Variants in LIMCH1 observed in about 807,000 individuals in gnomAD.
LIMCH1 encodes LIM and calponin homology domains 1.
LIMCH1 carries 113 observed loss-of-function variants against 176.5 expected under a neutral mutation model. The observed-to-expected ratio is 0.64, with a 90% CI of 0.55 to 0.75. The LOEUF (loss-of-function observed/expected upper bound fraction) is 0.75. Ranked by LOEUF, LIMCH1 falls within the 30% of genes least tolerant of loss-of-function variation. The pLI, the probability that LIMCH1 is intolerant of heterozygous loss-of-function variation, is 0.00. For synonymous variants in LIMCH1, 619 were observed against 645.9 expected, an observed-to-expected ratio of 0.96 and a Z score of 0.63; for missense variants, 1,674 against 1,814.9, an observed-to-expected ratio of 0.92 and a Z score of 1.41.
chr4:41,661,198 T>G (rs1204604327), intron 18 of LIMCH1, among the ~76,000 whole-genome samples: 1 of 152,138 alleles, frequency 6.6e-6, no homozygotes, highest in Admixed American at 6.6e-5. Flanking sequence ...AAGGCAGTCA[T>G]AGGAGGTTTG....
intron 1 of LIMCH1, among the ~76,000 whole-genome samples, chr4:41,472,714 C>T (rs949976808): frequency 3.3e-5 from 5 of 152,168 alleles, no homozygotes; most frequent in Non-Finnish European, 5.9e-5. Context: ...CCACAGAACA[C>T]TGACCCCACC....
chr4:41,671,411 CACACACACACACACA>C, intron 21 of LIMCH1, 128 bp from the exon 22 acceptor site: 1 of 487,400 alleles, frequency 2.1e-6, no homozygotes, highest in Non-Finnish European at 3.6e-6. Flanking sequence ...CACACACACA[CACACACACACACACA>C]CACACACACA....
rs2074089259 is a variant in LIMCH1, at chr4:41,505,899, GTAT to G, written c.167+11298_167+11300del. 5.0e-5 allele frequency among the ~76,000 whole-genome samples: 7 copies of G among 140,674 alleles called. No individual in the cohort carries two copies. The South Asian group carries it at 1.6e-3, about 31-fold the overall frequency. The allele number at this position is 140,674 out of a possible 152,430, so 92.3% of individuals were successfully genotyped here. A position where few individuals can be genotyped will look rare whatever the true frequency, so the allele number is the denominator to read the frequency against. On this transcript the variant is annotated intron_variant, in intron 2 of 26. Coordinates refer to the LIMCH1 transcript ENST00000313860. ...TTTAACTTTCTCCCAGTCTTAGTCA[GTAT>G]TATTCTCTCTCTCTGTGTTTCTGAC...
chr4:41,641,590 G>A (rs139106192), intron 14 of LIMCH1, among the ~76,000 whole-genome samples: 1 of 152,278 alleles, frequency 6.6e-6, no homozygotes, highest in African/African-American at 2.4e-5. Context: ...ACATAGTGAA[G>A]TATCTTGAGG....
At chr4:41,466,605 A>T (rs923911211) in intron 1 of LIMCH1, among the ~76,000 whole-genome samples, 3 of 152,210 alleles carry the variant, frequency 2.0e-5, no homozygotes, top group African/African-American at 7.2e-5. Flanking sequence ...GCTTCACTTT[A>T]TCTCAAAAGT....
chr4:41,457,560 G>GA (rs149993429), intron 1 of LIMCH1, among the ~76,000 whole-genome samples: 3,966 of 152,178 alleles, frequency 0.026, 86 homozygotes, highest in Middle Eastern at 0.054. Flanking sequence ...TTTTATAAGT[G>GA]AAAAAACAGT....
intron 2 of LIMCH1, among the ~76,000 whole-genome samples, chr4:41,522,359 A>G (rs549519741): frequency 2.6e-5 from 4 of 152,210 alleles, no homozygotes; most frequent in South Asian, 4.2e-4. Flanking sequence ...TTTAAATTCT[A>G]TATATTTTTT....
chr4:41,476,741 A>T (rs936164478), intron 1 of LIMCH1, among the ~76,000 whole-genome samples: 3 of 152,148 alleles, frequency 2.0e-5, no homozygotes, highest in African/African-American at 4.8e-5. Context: ...CTTAATGGAT[A>T]TGTATTTTCA....
intron 1 of LIMCH1, among the ~76,000 whole-genome samples, chr4:41,471,792 T>C (rs1370943198): frequency 6.6e-6 from 1 of 152,230 alleles, no homozygotes; most frequent in Non-Finnish European, 1.5e-5. Flanking sequence ...CCTTTTTGAC[T>C]TACTCATTCC....
chr4:41,411,956 C>CAAAAAAA (rs61054692), intron 1 of LIMCH1, among the ~76,000 whole-genome samples: 1 of 38,552 alleles, frequency 2.6e-5, no homozygotes, highest in Admixed American at 5.0e-4. Flanking sequence ...GACTCCATCT[C>CAAAAAAA]AAAAAAAAAA....
intron 18 of LIMCH1, among the ~76,000 whole-genome samples, chr4:41,652,485 T>C (rs568233629): frequency 1.4e-3 from 207 of 152,322 alleles, no homozygotes; most frequent in African/African-American, 4.7e-3. Context: ...TGCTAGAGAT[T>C]TCTTGCAGAT....
chr4:41,538,047 T>G (rs1583682179), upstream of LIMCH1: 1 of 406,044 alleles, frequency 2.5e-6, no homozygotes, highest in East Asian at 1.6e-4. Flanking sequence ...AATCCTGGCA[T>G]CTCTACTTCT....
At chr4:41,363,087 G>GT (rs1581015507) in intron 1 of LIMCH1, among the ~76,000 whole-genome samples, 1 of 152,310 alleles carries the variant, frequency 6.6e-6, no homozygotes, top group East Asian at 1.9e-4. Flanking sequence ...ATATAAAAAG[G>GT]TAATTGCTCC....
At chr4:41,559,917 T>C (rs954302757) in intron 1 of LIMCH1, among the ~76,000 whole-genome samples, 24 of 152,132 alleles carry the variant, frequency 1.6e-4, no homozygotes, top group African/African-American at 5.3e-4. Context: ...ACTGTCTACA[T>C]GCTAAGGAAC....
At position 41,388,800 on chromosome 4, in the gene LIMCH1, G is replaced by C. The variant is rs961073121; in HGVS notation, c.96+27864G>C. On this transcript the variant is annotated intron_variant, in intron 1 of 26. Coordinates refer to the LIMCH1 transcript ENST00000313860. Reference sequence around the variant, plus strand: ...TGGGATTACAGGCACCTGCCACCACGCCCAACTAATTTTTATATTTTTAAT... The same window carrying C: ...TGGGATTACAGGCACCTGCCACCACCCCCAACTAATTTTTATATTTTTAAT... Among the ~76,000 whole-genome samples the C allele has an allele frequency of 3.9e-5, 6 of 151,966 alleles. No homozygotes were observed. The East Asian group carries it at 1.2e-3, about 29-fold the overall frequency.
intron 24 of LIMCH1, 116 bp from the exon 25 acceptor site, chr4:41,680,839 C>A (rs1715091364): frequency 7.4e-6 from 4 of 544,064 alleles, no homozygotes; most frequent in East Asian, 5.7e-5. Context: ...TTTTAAAATG[C>A]CCTGCTTGTT....
chr4:41,581,661 C>T (rs563698713), intron 1 of LIMCH1, among the ~76,000 whole-genome samples: 2 of 152,184 alleles, frequency 1.3e-5, no homozygotes, highest in South Asian at 4.2e-4. Flanking sequence ...CAAAAATTAG[C>T]TGGGCATGGT....
At position 41,697,286 on chromosome 4, in the gene LIMCH1, A is replaced by G. The variant is rs376269024; in HGVS notation, c.*101A>G. 27 of 1,048,270 alleles carry G rather than the reference A, an allele frequency of 2.6e-5. No homozygotes were observed. The African/African-American group carries it at 4.1e-4, about 16-fold the overall frequency. The allele number at this position is 1,048,270 out of a possible 1,614,324, so 64.9% of individuals were successfully genotyped here. A position where few individuals can be genotyped will look rare whatever the true frequency, so the allele number is the denominator to read the frequency against. On this transcript the variant is annotated 3_prime_UTR_variant, in exon 32 of 32. Transcript: ENST00000503057. ...CAAGCTCAGGGGCTTCTCAGCATTT[A>G]CCTAATTTCTGAAAGGCTCTTCTGA...
At chr4:41,497,064 G>C (rs2072285028) in intron 2 of LIMCH1, among the ~76,000 whole-genome samples, 1 of 152,190 alleles carries the variant, frequency 6.6e-6, no homozygotes, top group African/African-American at 2.4e-5. Flanking sequence ...GCTTTTTATA[G>C]TATATAGGCT....
Sources: allele counts gnomAD v4.1 joint callset (sites outside exome capture counted in the v4.1 genomes callset), GRCh38; gene constraint gnomAD v4.1.1; transcripts MANE v1.5; gene names NCBI Gene and HGNC (gene_info 2026-07-23, HGNC 2026-07-21).